The following OPLAH variants were observed in gnomAD, a reference collection of about 807,000 sequenced individuals.
OPLAH encodes the protein 5-oxoprolinase, ATP-hydrolysing.
A neutral mutation model predicts 122.8 loss-of-function variants in OPLAH; 103 were observed. That is an observed-to-expected ratio of 0.84 (90% CI 0.71 to 0.99). The LOEUF is 0.99. Among genes scored for constraint, OPLAH ranks in the 50% least tolerant of loss-of-function variants. The probability of loss-of-function intolerance (pLI) is 0.00; values close to 1 mark genes in which losing one functional copy is unlikely to be tolerated. For missense variants in OPLAH, 1,902 were observed against 1,836.5 expected (o/e 1.04, Z -0.65); for synonymous variants, 875 against 796.0 (o/e 1.10, Z -1.67).
At chr8:144,056,005 C>T (rs535138554) in intron 15 of OPLAH, 66 bp from the exon 16 acceptor site, 69 of 1,492,308 alleles carry the variant, frequency 4.6e-5, no homozygotes, top group East Asian at 9.6e-5. Flanking sequence ...AGAGATGCCA[C>T]GGCCCCAGGC....
upstream of OPLAH, among the ~76,000 whole-genome samples, chr8:144,062,835 T>A (rs1050291679): frequency 7.3e-5 from 11 of 151,708 alleles, no homozygotes; most frequent in South Asian, 2.1e-4. Flanking sequence ...TAAGGGCCTG[T>A]CCCCACGCTC....
chr8:144,058,155 G>C lies in OPLAH; in HGVS notation c.950-7C>G. On this transcript the variant is annotated splice_polypyrimidine_tract_variant and splice_region_variant and intron_variant, in intron 7 of 26. Transcript: ENST00000618853. Reference sequence around the variant, plus strand: ...CTCACATCCGTGGACGTGCCTGGCAGGGGTGGGGTGCTGGTGGGTCACTTG... The same window carrying C: ...CTCACATCCGTGGACGTGCCTGGCACGGGTGGGGTGCTGGTGGGTCACTTG... 1 of 1,612,132 alleles carries C rather than the reference G, an allele frequency of 6.2e-7. No homozygotes were observed. The highest frequency in any genetic ancestry group is 8.5e-7 in the Non-Finnish European group (1 of 1,179,648).
At chr8:144,050,645 G>A, downstream of OPLAH, 3 of 985,300 alleles carry the variant, frequency 3.0e-6, no homozygotes, top group Non-Finnish European at 3.6e-6. Flanking sequence ...CGCTTGGGGG[G>A]AGGGTACCCC....
chr8:144,060,912 G>T (rs936747173), upstream of OPLAH, among the ~76,000 whole-genome samples: 21 of 152,364 alleles, frequency 1.4e-4, no homozygotes, highest in East Asian at 3.9e-3. Flanking sequence ...GCCTGGGCTC[G>T]CCTAGCGTGG....
Position 144,055,022 on chromosome 8 carries a change from G to C in OPLAH, c.2409+7C>G, listed in dbSNP as rs2129783268. The C allele has an allele frequency of 6.8e-7, 1 of 1,479,016 alleles. No individual in the cohort carries two copies. Among genetic ancestry groups the C allele is most frequent in the Non-Finnish European group, 9.0e-7 (1 of 1,106,792 alleles). The allele number at this position is 1,479,016 out of a possible 1,614,324, so 91.6% of individuals were successfully genotyped here. A position where few individuals can be genotyped will look rare whatever the true frequency, so the allele number is the denominator to read the frequency against. On this transcript the variant is annotated splice_region_variant and intron_variant, in intron 17 of 26. Coordinates refer to ENST00000618853, the MANE Select transcript of OPLAH (RefSeq NM_017570.5). The surrounding 1 kb of genome is among the most constrained non-coding windows in gnomAD (Gnocchi z 6.5). ...GGGATGGAAGGGTGAGGCGGGGGAAGGGCCACCTGGAACTGCACCGTCTCC... is the reference window on the plus strand; with the variant it reads ...GGGATGGAAGGGTGAGGCGGGGGAACGGCCACCTGGAACTGCACCGTCTCC...
rs1554758814 is a variant in OPLAH at position 144,055,759 on chromosome 8, C to T, written c.2248+29G>A. The T allele has an allele frequency of 1.4e-6, 2 of 1,480,922 alleles. No homozygotes were observed. The highest frequency in any genetic ancestry group is 1.4e-5 in the African/African-American group (1 of 71,248). 91.7% of individuals were successfully genotyped at this position (1,480,922 alleles called of 1,614,324 possible). A position where few individuals can be genotyped will look rare whatever the true frequency, so the allele number is the denominator to read the frequency against. ...CCCATGACACAGCCGGCGCCTCATCCCACAGGGAGCCTGGCAGCGGCCACT... is the reference window on the plus strand; with the variant it reads ...CCCATGACACAGCCGGCGCCTCATCTCACAGGGAGCCTGGCAGCGGCCACT... On this transcript the variant is annotated intron_variant, in intron 16 of 26. Coordinates refer to ENST00000618853, the MANE Select transcript of OPLAH (RefSeq NM_017570.5). This position sits in a 1 kb window ranked among gnomAD's most constrained non-coding sequence, Gnocchi z 6.5.
chr8:144,051,868 G>C (rs1234576077), intron 25 of OPLAH, 42 bp from the exon 26 acceptor site: 1 of 1,461,314 alleles, frequency 6.8e-7, no homozygotes, highest in African/African-American at 1.4e-5. Flanking sequence ...CAGGGGCGGG[G>C]GTGGGGGCGG....
chr8:144,058,806 C>A lies in OPLAH; in HGVS notation c.554G>T (p.Arg185Leu). Residue 185 changes from arginine to leucine, a missense_variant, in exon 5 of 27, where the codon CGC (arginine) becomes CTC (leucine). Arg to Leu is a moderately radical substitution (Grantham distance 102). This residue lies in a region of OPLAH where 1,726 missense variants were observed against 1,642.1 expected (regional missense o/e 1.05). Coordinates refer to ENST00000618853, the MANE Select transcript of OPLAH (RefSeq NM_017570.5). ...GTGCATGAGCACCACAGCCAGGCTG[C>A]GGATGCCTCGAGATAGCAGCCCCTC... ...KLEGLLSRGI[R>L]SLAVVLMHSY... is the part of the protein sequence containing the mutation. 26 of 1,601,126 alleles carry A rather than the reference C, an allele frequency of 1.6e-5. No homozygotes were observed. Among genetic ancestry groups the A allele is most frequent in the Non-Finnish European group, 2.1e-5 (25 of 1,174,234 alleles).
rs1554759015 is a variant in OPLAH, at chr8:144,056,242, A to G, written c.2001T>C (p.Phe667=). The part of the protein sequence containing the change: ...PRVDKMTQCY[F]EGGYQETPVY... ...CAGGGGTCTCCTGGTAGCCCCCCTCAAAGTAGCACTGGGTCATCTGCAGAG... is the reference window on the plus strand; with the variant it reads ...CAGGGGTCTCCTGGTAGCCCCCCTCGAAGTAGCACTGGGTCATCTGCAGAG... Residue 667 remains phenylalanine, a synonymous_variant, in exon 15 of 27, where the codon TTT becomes TTC. Coordinates refer to ENST00000618853, the MANE Select transcript of OPLAH (RefSeq NM_017570.5). 6.2e-7 allele frequency: 1 copy of G among 1,611,724 alleles called. No individual in the cohort carries two copies. The highest frequency in any genetic ancestry group is 1.7e-5 in the Admixed American group (1 of 60,006).
upstream of OPLAH, among the ~76,000 whole-genome samples, chr8:144,063,253 G>A (rs1486282484): frequency 6.6e-6 from 1 of 152,116 alleles, no homozygotes; most frequent in Non-Finnish European, 1.5e-5. The surrounding 1 kb of genome is among the most constrained non-coding windows in gnomAD (Gnocchi z 4.2). Context: ...AGCTGCCCCA[G>A]CCCCATTCTC....
In OPLAH at chr8:144,055,981, A is replaced by T; in HGVS notation, c.2097-42T>A. 1 of 1,512,876 alleles carries T rather than the reference A, an allele frequency of 6.6e-7. No homozygotes were observed. Among genetic ancestry groups the T allele is most frequent in the Non-Finnish European group, 8.9e-7 (1 of 1,125,942 alleles). The allele number at this position is 1,512,876 out of a possible 1,614,324, so 93.7% of individuals were successfully genotyped here. A position where few individuals can be genotyped will look rare whatever the true frequency, so the allele number is the denominator to read the frequency against. The stretch of plus-strand genomic sequence containing the variant: ...ACAGAGGGCTGCATGGGGCCAGGCG[A>T]CACCCCTCCAACCAGAGATGCCACG... On this transcript the variant is annotated intron_variant, in intron 15 of 26. Transcript: ENST00000618853. The surrounding 1 kb of genome is among the most constrained non-coding windows in gnomAD (Gnocchi z 6.5).
In OPLAH at chr8:144,052,200, G is replaced by C. The variant is rs1554757844; in HGVS notation, c.3430C>G (p.Arg1144Gly). ...SGVHSHMTNT[R>G]ITDPEILESR... is the part of the protein sequence containing the mutation. ...TCCAGGATCTCAGGGTCGGTGATGC[G>C]TGTGTTGGTCATGTGGCTGTGCACA... The change falls in exon 24 of 27, where the codon CGC becomes GGC. Residue 1144 changes from arginine (R) to glycine (G), a missense_variant. Arg to Gly is a moderately radical substitution (Grantham distance 125, BLOSUM62 -2). Coordinates refer to ENST00000618853, the MANE Select transcript of OPLAH (RefSeq NM_017570.5). The C allele has an allele frequency of 1.9e-6, 3 of 1,583,092 alleles. No homozygotes were observed. In the South Asian group the frequency reaches 3.4e-5, roughly 18 times the overall value.
intron 23 of OPLAH, 49 bp from the exon 24 acceptor site, chr8:144,052,375 A>G (rs1835403020): frequency 6.6e-7 from 1 of 1,509,416 alleles, no homozygotes; most frequent in Admixed American, 2.0e-5. Context: ...GGGCGTCCCC[A>G]CCTCGCCCTC....
rs1835617506 is a variant in OPLAH at position 144,059,620 on chromosome 8, G to A, written c.342C>T (p.Ala114=). ...FRDLLHIGTQ[A]RGDLFDLAVP... is the part of the protein sequence containing the mutation. The stretch of plus-strand genomic sequence containing the variant: ...TCACCAGGTCAAAGAGGTCCCCACG[G>A]GCTTGGGTGCCAATGTGCAGCAGGT... The change falls in exon 3 of 27, where the codon GCC becomes GCT. Residue 114 remains alanine (A), a synonymous_variant. Coordinates refer to ENST00000618853, the MANE Select transcript of OPLAH (RefSeq NM_017570.5). 3 of 1,610,802 alleles carry A rather than the reference G, an allele frequency of 1.9e-6. No individual in the cohort carries two copies. The highest frequency in any genetic ancestry group is 2.7e-5 in the African/African-American group (2 of 74,936).
chr8:144,054,318 T>TCTTGGCTAACTCTCCACCC (rs1835456038), intron 19 of OPLAH, among the ~76,000 whole-genome samples: 1 of 152,158 alleles, frequency 6.6e-6, no homozygotes, highest in East Asian at 1.9e-4. Flanking sequence ...ACCCTCCACG[T>TCTTGGCTAACTCTCCACCC]CTTGGCTAAC....
chr8:144,053,166 T>A (rs782175955), intron 20 of OPLAH, 37 bp from the exon 21 acceptor site: 1 of 1,608,536 alleles, frequency 6.2e-7, no homozygotes. Context: ...CCAGGTCACC[T>A]GCAGGATGGC....
At chr8:144,056,597 C>T (rs374384381) in intron 13 of OPLAH, 21 bp downstream of exon 13, 7 of 1,612,234 alleles carry the variant, frequency 4.3e-6, no homozygotes, top group Admixed American at 1.7e-5. Flanking sequence ...GCCAGGGATC[C>T]GGAGTCAGGA....
upstream of OPLAH, among the ~76,000 whole-genome samples, chr8:144,061,241 C>T (rs934520797): frequency 1.3e-5 from 2 of 152,196 alleles, no homozygotes; most frequent in African/African-American, 4.8e-5. Flanking sequence ...GCTGCACTCC[C>T]GGACGATTAA....
rs1554759673 is a variant in OPLAH, at chr8:144,057,667, C to A, written c.1203G>T (p.Leu401=). 6.2e-7 allele frequency: 1 copy of A among 1,606,988 alleles called. No homozygotes were observed. The highest frequency in any genetic ancestry group is 1.7e-5 in the Admixed American group (1 of 59,122). ...AAATGCAGGGGAAGGAGGCAGGCAG[C>A]AGGCGACCCAGGACCAGATTAGCAT... is the stretch of plus-strand genomic sequence containing the variant. ...VTDANLVLGR[L]LPASFPCIFG... is the part of the protein sequence containing the mutation. The change falls in exon 10 of 27, where the codon CTG becomes CTT. Residue 401 remains leucine, a synonymous_variant. Coordinates refer to ENST00000618853, the MANE Select transcript of OPLAH (RefSeq NM_017570.5).
Sources: allele counts gnomAD v4.1 joint callset (sites outside exome capture counted in the v4.1 genomes callset), GRCh38; gene constraint gnomAD v4.1.1; regional missense constraint gnomAD v4.1.1; non-coding constraint Gnocchi (gnomAD v3.1); transcripts MANE v1.5; gene names NCBI Gene and HGNC (gene_info 2026-07-23, HGNC 2026-07-21).